The following SASS6 variants were observed in gnomAD, a reference collection of about 807,000 sequenced individuals.
SASS6 encodes SAS-6 centriolar assembly protein.
A neutral mutation model predicts 94.9 loss-of-function variants in SASS6; 59 were observed. That is an observed-to-expected ratio of 0.62 (90% CI 0.50 to 0.77). The LOEUF (loss-of-function observed/expected upper bound fraction) is 0.77, where lower values mean the gene tolerates loss of function less well. Among genes scored for constraint, SASS6 ranks in the 30% least tolerant of loss-of-function variants. SASS6 has a pLI of 0.00. For synonymous variants in SASS6, 264 were observed against 270.0 expected, an observed-to-expected ratio of 0.98 and a Z score of 0.22; for missense variants, 698 against 734.1, an observed-to-expected ratio of 0.95 and a Z score of 0.57.
chr1:100,108,259 C>T (rs2101664785), intron 8 of SASS6, among the ~76,000 whole-genome samples: 1 of 152,088 alleles, frequency 6.6e-6, no homozygotes, highest in South Asian at 2.1e-4. Context: ...GAATAAATTA[C>T]AGTAACTTTA....
At chr1:100,115,542 G>A (rs745682998) in intron 7 of SASS6, among the ~76,000 whole-genome samples, 1 of 152,158 alleles carries the variant, frequency 6.6e-6, no homozygotes, top group Non-Finnish European at 1.5e-5. Context: ...TGTGATAAAG[G>A]TAGTACCAGG....
rs1186009850 is a variant in SASS6, at chr1:100,119,120, T to C, written c.567A>G (p.Lys189=). Reference sequence around the variant, plus strand: ...CATTCCGTAACTTATCTAATTCTTGTTTTTTTTCTGCTAATGTCTACATTA... The same window carrying C: ...CATTCCGTAACTTATCTAATTCTTGCTTTTTTTCTGCTAATGTCTACATTA... The part of the protein sequence containing the change: ...DFTRKTLAEK[K]QELDKLRNEW... The change falls in exon 7 of 17, where the codon AAA becomes AAG. Residue 189 remains lysine, a synonymous_variant. Transcript: ENST00000287482. 4 of 1,561,720 alleles carry C rather than the reference T, an allele frequency of 2.6e-6. No individual in the cohort carries two copies. Among genetic ancestry groups the C allele is most frequent in the Non-Finnish European group, 2.6e-6 (3 of 1,142,722 alleles).
chr1:100,129,647 G>A (rs1317274552), intron 1 of SASS6, among the ~76,000 whole-genome samples: 2 of 152,096 alleles, frequency 1.3e-5, no homozygotes, highest in Non-Finnish European at 2.9e-5. Flanking sequence ...AAGGATTTAA[G>A]ACATACCTGA....
rs754101607 is a variant in SASS6 at position 100,105,942 on chromosome 1, A to C, written c.1409-39T>G. On this transcript the variant is annotated intron_variant, in intron 12 of 16. Coordinates refer to ENST00000287482, the MANE Select transcript of SASS6 (RefSeq NM_194292.3). The stretch of plus-strand genomic sequence containing the variant: ...ACAAGAAGCAAGGTAAAGAATATTG[A>C]CTGTTTATTTTTCTAATCATCTTAA... 8 of 1,371,414 alleles carry C rather than the reference A, an allele frequency of 5.8e-6. No individual in the cohort carries two copies. In the East Asian group the frequency reaches 1.9e-4, roughly 33 times the overall value. 85.0% of individuals were successfully genotyped at this position (1,371,414 alleles called of 1,614,324 possible). A position where few individuals can be genotyped will look rare whatever the true frequency, so the allele number is the denominator to read the frequency against.
intron 1 of SASS6, among the ~76,000 whole-genome samples, chr1:100,128,004 G>A (rs1334137325): frequency 6.6e-6 from 1 of 151,738 alleles, no homozygotes; most frequent in African/African-American, 2.4e-5. Context: ...ACTTTTTATG[G>A]TGCTTTACAG....
chr1:100,109,954 A>C (rs887117257), intron 8 of SASS6, among the ~76,000 whole-genome samples: 3 of 151,982 alleles, frequency 2.0e-5, no homozygotes, highest in Non-Finnish European at 4.4e-5. Flanking sequence ...ATATATGTTA[A>C]GCAGGTTGAG....
chr1:100,086,949 G>A (rs909883626), intron 15 of SASS6, among the ~76,000 whole-genome samples: 2 of 151,990 alleles, frequency 1.3e-5, no homozygotes, highest in Non-Finnish European at 2.9e-5. Flanking sequence ...TTTAAAAATG[G>A]AGGCTCACAA....
chr1:100,121,512 C>A lies in SASS6; in HGVS notation c.349G>T (p.Asp117Tyr). 1 of 1,598,448 alleles carries A rather than the reference C, an allele frequency of 6.3e-7. No homozygotes were observed. Among genetic ancestry groups the A allele is most frequent in the South Asian group, 1.1e-5 (1 of 88,570 alleles). ...ACATTTAAAAATGCAGGTGAGTTAT[C>A]CAAAATAGCTGCTGGAGAAACTAAC... ...LQLVSPAAIL[D>Y]NSPAFLNVVE... is the part of the protein sequence containing the mutation. The change falls in exon 5 of 17, where the codon GAT becomes TAT. Residue 117 changes from aspartate to tyrosine, a missense_variant. Transcript: ENST00000287482.
intron 14 of SASS6, among the ~76,000 whole-genome samples, chr1:100,096,674 A>G (rs778613143): frequency 3.3e-5 from 5 of 152,280 alleles, no homozygotes; most frequent in Non-Finnish European, 7.3e-5. Flanking sequence ...CAAAGAACTT[A>G]TAATTCAATA....
intron 4 of SASS6, among the ~76,000 whole-genome samples, chr1:100,121,859 C>CT (rs910902919): frequency 1.3e-5 from 2 of 152,144 alleles, no homozygotes; most frequent in East Asian, 3.8e-4. Context: ...AAGAATTAAG[C>CT]ATTTATCCTT....
At chr1:100,126,687 GA>G (rs1483119434) in intron 1 of SASS6, among the ~76,000 whole-genome samples, 1 of 152,108 alleles carries the variant, frequency 6.6e-6, no homozygotes, top group Non-Finnish European at 1.5e-5. Context: ...TGAGGTTGGA[GA>G]AATGCGGAAC....
chr1:100,117,079 A>C (rs761342638), intron 7 of SASS6, among the ~76,000 whole-genome samples: 7 of 151,528 alleles, frequency 4.6e-5, no homozygotes, highest in Admixed American at 1.3e-4. Context: ...AGATCACCTA[A>C]GGTCAGGAGT....
chr1:100,121,398 C>A lies in SASS6; in HGVS notation c.463G>T (p.Gly155Cys), dbSNP rs1654184536. 6.3e-7 allele frequency: 1 copy of A among 1,578,090 alleles called. No individual in the cohort carries two copies. Among genetic ancestry groups the A allele is most frequent in the African/African-American group, 1.4e-5 (1 of 72,672 alleles). The change falls in exon 5 of 17, where the codon GGC becomes TGC. Residue 155 changes from glycine (G) to cysteine (C), a missense_variant. Gly to Cys is a radical substitution (Grantham distance 159). Coordinates refer to ENST00000287482, the MANE Select transcript of SASS6 (RefSeq NM_194292.3). ...NDVEIKKFLAGCLKCSKEEKL... is the reference protein window; with the variant it reads ...NDVEIKKFLACCLKCSKEEKL... ...CTTACCTTGCTACATTTCAAACAGCCTGCGAGAAATTTCTTTATCTCCACA... is the reference window on the plus strand; with the variant it reads ...CTTACCTTGCTACATTTCAAACAGCATGCGAGAAATTTCTTTATCTCCACA...
rs1653228440 is a variant in SASS6 at position 100,110,370 on chromosome 1, A to G, written c.783T>C (p.Asn261=). 6.2e-7 allele frequency: 1 copy of G among 1,608,166 alleles called. No homozygotes were observed. The highest frequency in any genetic ancestry group is 8.5e-7 in the Non-Finnish European group (1 of 1,175,518). ...QNRLSELEAA[N]KDLTERKYKG... ...TATATTTTCTTTCGGTTAAGTCTTT[A>G]TTAGCCGCTTCTAACTCAGACAGTC... The change falls in exon 8 of 17, where the codon AAT becomes AAC. Residue 261 remains asparagine (N), a synonymous_variant. Coordinates refer to ENST00000287482, the MANE Select transcript of SASS6 (RefSeq NM_194292.3).
At chr1:100,104,856 G>T (rs1652769851) in intron 13 of SASS6, among the ~76,000 whole-genome samples, 1 of 151,694 alleles carries the variant, frequency 6.6e-6, no homozygotes, top group Non-Finnish European at 1.5e-5. Flanking sequence ...GAGAGGCCGA[G>T]GTGGGAGGAT....
chr1:100,121,800 C>T (rs1469229228), intron 4 of SASS6, among the ~76,000 whole-genome samples: 3 of 152,148 alleles, frequency 2.0e-5, no homozygotes, highest in Non-Finnish European at 2.9e-5. Context: ...CTGAGTGCCA[C>T]AAAAGTAGAC....
At chr1:100,107,261 C>G (rs1652974355) in intron 11 of SASS6, 113 bp downstream of exon 11, 2 of 691,674 alleles carry the variant, frequency 2.9e-6, no homozygotes, top group South Asian at 3.8e-5. Context: ...TAGTCATGTT[C>G]TTTTGTTAAA....
intron 12 of SASS6, among the ~76,000 whole-genome samples, chr1:100,106,701 C>T (rs1429961446): frequency 6.6e-6 from 1 of 151,960 alleles, no homozygotes; most frequent in Non-Finnish European, 1.5e-5. Flanking sequence ...AAAAAACCCA[C>T]AAAATTAGCT....
chr1:100,099,696 A>C (rs1319324687), intron 14 of SASS6, among the ~76,000 whole-genome samples: 1 of 152,146 alleles, frequency 6.6e-6, no homozygotes, highest in Non-Finnish European at 1.5e-5. Flanking sequence ...TCCTCGGTTC[A>C]AGGGTTAGAA....
Sources: gnomAD v4.1 joint callset for allele counts (sites outside exome capture counted in the v4.1 genomes callset) on GRCh38, gnomAD v4.1.1 for gene constraint, MANE v1.5 for transcripts, NCBI Gene and HGNC (gene_info 2026-07-23, HGNC 2026-07-21) for gene names.